Variants in NPAS2 observed in about 807,000 individuals in gnomAD.
NPAS2 encodes the protein neuronal PAS domain protein 2, also known as neuronal PAS domain-containing protein 2.
NPAS2 carries 23 observed loss-of-function variants against 107.5 expected under a neutral mutation model. That is an observed-to-expected ratio of 0.21 (90% CI 0.15 to 0.30). The LOEUF is 0.30. NPAS2 is among the 10% of genes least tolerant of loss of function. The probability of loss-of-function intolerance (pLI) is 1.00; values close to 1 mark genes in which losing one functional copy is unlikely to be tolerated. For synonymous variants in NPAS2, 403 were observed against 417.5 expected, an observed-to-expected ratio of 0.97 and a Z score of 0.42; for missense variants, 756 against 1,043.3, an observed-to-expected ratio of 0.72 and a Z score of 3.79.
chr2:100,964,225 C>CA (rs1558917277), intron 8 of NPAS2, 49 bp downstream of exon 8: 2 of 1,196,116 alleles, frequency 1.7e-6, no homozygotes, highest in Non-Finnish European at 1.3e-6. Context: ...ATGATTGACT[C>CA]ACATTTTGTT....
rs149548165 is a variant in NPAS2 at position 100,833,483 on chromosome 2, C to T, written c.-23+13069C>T. Among the ~76,000 whole-genome samples the T allele has an allele frequency of 9.8e-4, 149 of 152,320 alleles. 1 individual carries two copies. The highest frequency in any genetic ancestry group is 3.4e-3 in the African/African-American group (143 of 41,572). ...GTACTTGGTTTTTTCAGACAAGGTA[C>T]ATTCTAGCAAGTAAAACCCCAACAT... On this transcript the variant is annotated intron_variant, in intron 1 of 20. Transcript: ENST00000335681.
At position 100,995,477 on chromosome 2, in the gene NPAS2, C is replaced by A; in HGVS notation, c.2370C>A (p.Thr790=). ...CCACCTACTCACAACAGCCAGGGAC[C>A]CTGGGCTACCCCCAACCACCCCCAG... ...LLSTYSQQPG[T]LGYPQPPPAQ... is the part of the protein sequence containing the mutation. The change falls in exon 21 of 21, where the codon ACC becomes ACA. Residue 790 remains threonine, a synonymous_variant. Transcript: ENST00000335681. The A allele has an allele frequency of 6.2e-7, 1 of 1,614,004 alleles. No individual in the cohort carries two copies. The highest frequency in any genetic ancestry group is 8.5e-7 in the Non-Finnish European group (1 of 1,180,006).
At chr2:100,991,266 T>C (rs887159153) in intron 19 of NPAS2, among the ~76,000 whole-genome samples, 3 of 152,032 alleles carry the variant, frequency 2.0e-5, no homozygotes, top group Non-Finnish European at 4.4e-5. Context: ...GGCACCGTGC[T>C]CGGGCCCGTC....
rs1349179052 is a variant in NPAS2 at position 100,965,281 on chromosome 2, A to T, written c.800+338A>T. ...TCAACATCCTTTGATCTTTTAGCCC[A>T]ATCTTTACTGTTTCTTTTGTAACAT... is the stretch of plus-strand genomic sequence containing the variant. On this transcript the variant is annotated intron_variant, in intron 9 of 20. Coordinates refer to ENST00000335681, the MANE Select transcript of NPAS2 (RefSeq NM_002518.4). This position sits in a 1 kb window ranked among gnomAD's most constrained non-coding sequence, Gnocchi z 4.3. 6.6e-6 allele frequency among the ~76,000 whole-genome samples: 1 copy of T among 152,110 alleles called. No individual in the cohort carries two copies. Among genetic ancestry groups the T allele is most frequent in the African/African-American group, 2.4e-5 (1 of 41,424 alleles).
In NPAS2 at chr2:100,990,761, T is replaced by TC; in HGVS notation, c.2019-15dup. 6.2e-7 allele frequency: 1 copy of TC among 1,610,990 alleles called. No individual in the cohort carries two copies. Among genetic ancestry groups the TC allele is most frequent in the Non-Finnish European group, 8.5e-7 (1 of 1,177,218 alleles). ...TTCAGGTGCTGATCAGTTTCCTATT[T>TC]CCCCACCTCTGCTTAAAGGCTGTTG... On this transcript the variant is annotated intron_variant, in intron 18 of 20. Transcript: ENST00000335681.
At chr2:100,826,298 T>C (rs965016343) in intron 1 of NPAS2, among the ~76,000 whole-genome samples, 1 of 152,060 alleles carries the variant, frequency 6.6e-6, no homozygotes, top group Non-Finnish European at 1.5e-5. Context: ...AAAAATTAGC[T>C]GGGCATGGTG....
At chr2:100,986,156 G>A (rs1465849936) in intron 16 of NPAS2, 2 of 152,098 alleles carry the variant, frequency 1.3e-5, no homozygotes, top group African/African-American at 4.8e-5. Flanking sequence ...GTGACAAGGA[G>A]TCCTCATTTC....
intron 3 of NPAS2, among the ~76,000 whole-genome samples, chr2:100,927,457 C>T (rs1314933702): frequency 1.3e-5 from 2 of 152,200 alleles, no homozygotes; most frequent in African/African-American, 4.8e-5. Context: ...TTAATTATCA[C>T]AAAGCAGACA....
intron 20 of NPAS2, chr2:100,994,552 C>T (rs1229140273): frequency 6.6e-6 from 1 of 152,318 alleles, no homozygotes; most frequent in African/African-American, 2.4e-5. Flanking sequence ...ACTCACTGCC[C>T]TTAGGGGCTT....
chr2:100,990,112 G>A lies in NPAS2; in HGVS notation c.1828-144G>A, dbSNP rs1165971201. ...CAATCCAATGGGGAAGACAGTCACA[G>A]ATCAAAGTAATTCAGTAGTTGGGAG... On this transcript the variant is annotated intron_variant, in intron 17 of 20. Coordinates refer to ENST00000335681, the MANE Select transcript of NPAS2 (RefSeq NM_002518.4). 9 of 751,544 alleles carry A rather than the reference G, an allele frequency of 1.2e-5. No homozygotes were observed. In the African/African-American group the frequency reaches 1.4e-4, roughly 12 times the overall value. 46.6% of individuals were successfully genotyped at this position (751,544 alleles called of 1,614,324 possible).
At chr2:100,869,657 T>C (rs891879407) in intron 1 of NPAS2, among the ~76,000 whole-genome samples, 3 of 152,176 alleles carry the variant, frequency 2.0e-5, no homozygotes, top group African/African-American at 7.2e-5. Context: ...GGCGGGTTTA[T>C]TCCTCATGTC....
chr2:100,850,011 T>TAAAAAAAAAAAAAAAAAAAAAAAAAAA (rs58359292), intron 1 of NPAS2, among the ~76,000 whole-genome samples: 1 of 56,210 alleles, frequency 1.8e-5, no homozygotes. Flanking sequence ...ACTCTTTTTG[T>TAAAAAAAAAAAAAAAAAAAAAAAAAAA]AAAAAAAAAA....
intron 2 of NPAS2, among the ~76,000 whole-genome samples, chr2:100,914,112 C>T (rs1307454802): frequency 2.6e-5 from 4 of 152,198 alleles, no homozygotes; most frequent in African/African-American, 9.7e-5. Context: ...ATGAAATCCT[C>T]TCAGAGAAGC....
intron 2 of NPAS2, among the ~76,000 whole-genome samples, chr2:100,918,311 A>G (rs923102753): frequency 6.6e-5 from 10 of 152,258 alleles, no homozygotes; most frequent in South Asian, 2.1e-4. Context: ...AAGAAGAAAA[A>G]ATAGAAAGTC....
chr2:100,978,533 A>G (rs2105257824), intron 15 of NPAS2, among the ~76,000 whole-genome samples: 1 of 151,882 alleles, frequency 6.6e-6, no homozygotes, highest in African/African-American at 2.4e-5. Flanking sequence ...AAAAAAAGAA[A>G]GAAAGAAAGA....
chr2:100,877,203 T>C (rs1680025182), intron 1 of NPAS2, among the ~76,000 whole-genome samples: 1 of 152,162 alleles, frequency 6.6e-6, no homozygotes, highest in Non-Finnish European at 1.5e-5. Context: ...CAGTGGCTTA[T>C]GCCTGTAATC....
chr2:100,929,294 A>C (rs180975446), intron 3 of NPAS2, among the ~76,000 whole-genome samples: 1 of 152,270 alleles, frequency 6.6e-6, no homozygotes, highest in Non-Finnish European at 1.5e-5. Context: ...GAAAATGTGG[A>C]ATCTAAGCCC....
intron 8 of NPAS2, among the ~76,000 whole-genome samples, chr2:100,964,506 T>C (rs1183567263): frequency 6.6e-6 from 1 of 152,232 alleles, no homozygotes; most frequent in African/African-American, 2.4e-5. Context: ...GCTGGGGGTT[T>C]GTCTGCCTTC....
At chr2:100,941,432 G>A (rs1036631288) in intron 5 of NPAS2, among the ~76,000 whole-genome samples, 5 of 152,044 alleles carry the variant, frequency 3.3e-5, no homozygotes, top group South Asian at 2.1e-4. Flanking sequence ...GTGTGGTGGC[G>A]CATGCCTGTA....
Sources: allele counts gnomAD v4.1 joint callset (sites outside exome capture counted in the v4.1 genomes callset), GRCh38; gene constraint gnomAD v4.1.1; non-coding constraint Gnocchi (gnomAD v3.1); transcripts MANE v1.5; gene names NCBI Gene and HGNC (gene_info 2026-07-23, HGNC 2026-07-21).